The following CADPS2 variants were observed in gnomAD, a reference collection of about 807,000 sequenced individuals.
CADPS2 encodes calcium dependent secretion activator 2.
CADPS2 carries 93 observed loss-of-function variants against 172.5 expected under a neutral mutation model. The observed-to-expected ratio is 0.54, with a 90% CI of 0.46 to 0.64. The LOEUF (loss-of-function observed/expected upper bound fraction) is 0.64. Among genes scored for constraint, CADPS2 ranks in the 30% least tolerant of loss-of-function variants. CADPS2 has a pLI of 0.00. For missense variants in CADPS2, 1,420 were observed against 1,565.9 expected, an observed-to-expected ratio of 0.91 and a Z score of 1.57; for synonymous variants, 546 against 555.2, an observed-to-expected ratio of 0.98 and a Z score of 0.23.
chr7:122,383,375 T>C (rs1048309144), intron 24 of CADPS2, among the ~76,000 whole-genome samples: 5 of 151,910 alleles, frequency 3.3e-5, no homozygotes, highest in Admixed American at 2.0e-4. Flanking sequence ...AAACGACCTA[T>C]TGAGTACTAT....
intron 6 of CADPS2, among the ~76,000 whole-genome samples, chr7:122,593,337 T>C (rs2071199382): frequency 1.3e-5 from 2 of 151,518 alleles, no homozygotes; most frequent in African/African-American, 2.4e-5. Context: ...CAAAAGGAAA[T>C]AAAAAAGAGC....
chr7:122,511,480 TAAAAC>T (rs1440850217), intron 9 of CADPS2, among the ~76,000 whole-genome samples: 1 of 152,064 alleles, frequency 6.6e-6, no homozygotes, highest in African/African-American at 2.4e-5. Flanking sequence ...AAAAATCAGT[TAAAAC>T]AATCAAATAA....
intron 3 of CADPS2, among the ~76,000 whole-genome samples, chr7:122,647,877 C>T (rs2134833052): frequency 6.6e-6 from 1 of 152,230 alleles, no homozygotes; most frequent in South Asian, 2.1e-4. Flanking sequence ...ATTCAATGTA[C>T]TGTATAGAAG....
At chr7:122,346,259 C>A (rs975940708) in intron 27 of CADPS2, among the ~76,000 whole-genome samples, 2 of 152,040 alleles carry the variant, frequency 1.3e-5, no homozygotes, top group South Asian at 4.2e-4. Flanking sequence ...CCCCAGCTAG[C>A]CAGGAGGGTG....
At chr7:122,570,863 T>C (rs144357660) in intron 7 of CADPS2, among the ~76,000 whole-genome samples, 1,586 of 152,084 alleles carry the variant, frequency 0.01, 24 homozygotes, top group African/African-American at 0.036. Context: ...AAGGGGAACA[T>C]CACACTCTGG....
chr7:122,361,965 C>G (rs370489771), intron 25 of CADPS2, among the ~76,000 whole-genome samples: 1 of 151,942 alleles, frequency 6.6e-6, no homozygotes, highest in Non-Finnish European at 1.5e-5. Flanking sequence ...CTTAGCTACT[C>G]GGGAGGCTGA....
intron 1 of CADPS2, among the ~76,000 whole-genome samples, chr7:122,876,207 C>CAT (rs1263371510): frequency 1.4e-4 from 21 of 152,106 alleles, no homozygotes; most frequent in African/African-American, 4.6e-4. Context: ...GTAATCCCAG[C>CAT]TACTTGGGAG....
At chr7:122,782,140 T>C (rs1792898761) in intron 1 of CADPS2, among the ~76,000 whole-genome samples, 1 of 152,228 alleles carries the variant, frequency 6.6e-6, no homozygotes, top group Non-Finnish European at 1.5e-5. Flanking sequence ...AGAAAAGCTA[T>C]TGATATTGTG....
intron 2 of CADPS2, among the ~76,000 whole-genome samples, chr7:122,728,184 C>T (rs1433672697): frequency 6.6e-6 from 1 of 151,788 alleles, no homozygotes; most frequent in African/African-American, 2.4e-5. Context: ...TATTTAAATG[C>T]CAATCTTCCC....
At chr7:122,417,187 C>T (rs534737249) in intron 17 of CADPS2, among the ~76,000 whole-genome samples, 123 of 152,196 alleles carry the variant, frequency 8.1e-4, no homozygotes, top group African/African-American at 2.9e-3. Flanking sequence ...CTAACGTATT[C>T]CAAAGGATGT....
chr7:122,342,254 T>G (rs1356136641), intron 28 of CADPS2, among the ~76,000 whole-genome samples: 1 of 152,174 alleles, frequency 6.6e-6, no homozygotes, highest in Non-Finnish European at 1.5e-5. Context: ...TAAATGGCTG[T>G]GTAGGTTGTA....
chr7:122,867,076 C>A (rs573143123), intron 1 of CADPS2, among the ~76,000 whole-genome samples: 163 of 152,130 alleles, frequency 1.1e-3, no homozygotes, highest in African/African-American at 3.7e-3. Context: ...GGGCTCAGTC[C>A]TTCACTTAAT....
intron 2 of CADPS2, among the ~76,000 whole-genome samples, chr7:122,671,039 C>T (rs1218882669): frequency 7.2e-5 from 11 of 152,132 alleles, no homozygotes; most frequent in Non-Finnish European, 4.4e-5. Context: ...CCAGCTGATC[C>T]CTACTCAGGA....
intron 1 of CADPS2, among the ~76,000 whole-genome samples, chr7:122,767,206 C>G (rs1270381880): frequency 6.6e-6 from 1 of 152,092 alleles, no homozygotes; most frequent in African/African-American, 2.4e-5. Flanking sequence ...TTCAGACATC[C>G]ACATTTACAG....
intron 17 of CADPS2, among the ~76,000 whole-genome samples, chr7:122,435,021 A>G (rs1413227215): frequency 6.6e-6 from 1 of 152,208 alleles, no homozygotes; most frequent in Non-Finnish European, 1.5e-5. Context: ...TGTATCAAAA[A>G]TATTGCTGAA....
chr7:122,823,262 T>C (rs911051828), intron 1 of CADPS2, among the ~76,000 whole-genome samples: 1 of 152,196 alleles, frequency 6.6e-6, no homozygotes, highest in Non-Finnish European at 1.5e-5. Flanking sequence ...AATTGCACAA[T>C]GCCATTCTAT....
chr7:122,549,353 G>A (rs936062671), intron 8 of CADPS2, among the ~76,000 whole-genome samples: 1 of 152,020 alleles, frequency 6.6e-6, no homozygotes, highest in Non-Finnish European at 1.5e-5. Flanking sequence ...AAAAAATCAA[G>A]GATTGATAAA....
intron 1 of CADPS2, among the ~76,000 whole-genome samples, chr7:122,884,133 T>C (rs1015319710): frequency 3.3e-5 from 5 of 152,178 alleles, no homozygotes; most frequent in African/African-American, 9.7e-5. Flanking sequence ...AAGGAGAAAA[T>C]AGTCTCTTAA....
intron 6 of CADPS2, among the ~76,000 whole-genome samples, chr7:122,591,943 T>TAAA (rs1405327147): frequency 6.6e-6 from 1 of 152,004 alleles, no homozygotes; most frequent in African/African-American, 2.4e-5. Flanking sequence ...ACTTCATGTC[T>TAAA]AAAACAACAA....
Sources: gnomAD v4.1 joint callset for allele counts (sites outside exome capture counted in the v4.1 genomes callset) on GRCh38, gnomAD v4.1.1 for gene constraint, MANE v1.5 for transcripts, NCBI Gene and HGNC (gene_info 2026-07-23, HGNC 2026-07-21) for gene names.